The following ARHGAP15 variants were observed in gnomAD, a reference collection of about 807,000 sequenced individuals.
ARHGAP15 encodes Rho GTPase activating protein 15.
ARHGAP15 carries 51 observed loss-of-function variants against 63.7 expected under a neutral mutation model. The observed-to-expected ratio is 0.80, with a 90% CI of 0.64 to 1.01. The LOEUF is 1.01. Ranked by LOEUF, ARHGAP15 falls within the 50% of genes least tolerant of loss-of-function variation. The pLI, the probability that ARHGAP15 is intolerant of heterozygous loss-of-function variation, is 0.00. For missense variants in ARHGAP15, 560 were observed against 564.6 expected, an observed-to-expected ratio of 0.99 and a Z score of 0.08; for synonymous variants, 191 against 193.8, an observed-to-expected ratio of 0.99 and a Z score of 0.12.
At chr2:143,591,254 G>A (rs925310338) in intron 11 of ARHGAP15, among the ~76,000 whole-genome samples, 7 of 151,996 alleles carry the variant, frequency 4.6e-5, no homozygotes, top group Non-Finnish European at 7.4e-5. Flanking sequence ...TTCCCCAATC[G>A]ATGTGATTTT....
intron 8 of ARHGAP15, among the ~76,000 whole-genome samples, chr2:143,445,523 T>C (rs1205419592): frequency 6.6e-6 from 1 of 152,134 alleles, no homozygotes; most frequent in Non-Finnish European, 1.5e-5. Flanking sequence ...GAGTCCAAGT[T>C]TCTGTATAGA....
At chr2:143,588,509 G>A (rs1414257419) in intron 11 of ARHGAP15, among the ~76,000 whole-genome samples, 1 of 152,020 alleles carries the variant, frequency 6.6e-6, no homozygotes, top group Non-Finnish European at 1.5e-5. Context: ...AACAAGCCCT[G>A]GTGGGTGTCG....
chr2:143,552,566 G>A (rs758994305), intron 10 of ARHGAP15, among the ~76,000 whole-genome samples: 425 of 137,886 alleles, frequency 3.1e-3, no homozygotes, highest in Non-Finnish European at 4.0e-3. Context: ...AAAAAGTCGG[G>A]GTGGGGAGGC....
chr2:143,570,074 C>G (rs1455381600), intron 11 of ARHGAP15, among the ~76,000 whole-genome samples: 1 of 152,072 alleles, frequency 6.6e-6, no homozygotes, highest in East Asian at 1.9e-4. Context: ...ATGAGTCAAT[C>G]CCATGAGATA....
chr2:143,470,658 T>TAC (rs147283183), intron 8 of ARHGAP15, among the ~76,000 whole-genome samples: 36,699 of 148,422 alleles, frequency 0.25, 5,488 homozygotes, highest in East Asian at 0.69. Flanking sequence ...TGTATATATA[T>TAC]ACATGTATAT....
intron 11 of ARHGAP15, chr2:143,608,713 T>A (rs1056174566): frequency 2.0e-5 from 3 of 152,232 alleles, no homozygotes; most frequent in African/African-American, 7.2e-5. Flanking sequence ...TGGTTGTAAT[T>A]TCATAACATG....
At chr2:143,617,109 A>G (rs996027619) in intron 11 of ARHGAP15, among the ~76,000 whole-genome samples, 1 of 152,246 alleles carries the variant, frequency 6.6e-6, no homozygotes, top group African/African-American at 2.4e-5. Flanking sequence ...GTTAAGCCTG[A>G]ATAGGCAGGC....
At chr2:143,464,737 A>G (rs1032177555) in intron 8 of ARHGAP15, among the ~76,000 whole-genome samples, 1 of 152,132 alleles carries the variant, frequency 6.6e-6, no homozygotes, top group African/African-American at 2.4e-5. Context: ...AGAGATTTCT[A>G]TTATAGGCTG....
intron 12 of ARHGAP15, among the ~76,000 whole-genome samples, chr2:143,692,241 G>C (rs905185496): frequency 3.3e-5 from 5 of 152,132 alleles, no homozygotes; most frequent in African/African-American, 1.2e-4. Context: ...ATAAATAAAA[G>C]GGCATAACAT....
chr2:143,312,635 T>C (rs1190280936), intron 6 of ARHGAP15, among the ~76,000 whole-genome samples: 1 of 152,200 alleles, frequency 6.6e-6, no homozygotes, highest in East Asian at 1.9e-4. Context: ...AGTGAATTCA[T>C]ATTAACAGAT....
At chr2:143,552,086 G>A (rs1482616486) in intron 10 of ARHGAP15, among the ~76,000 whole-genome samples, 1 of 152,180 alleles carries the variant, frequency 6.6e-6, no homozygotes, top group Non-Finnish European at 1.5e-5. Flanking sequence ...TCAAAGTATT[G>A]CGAGAATGGC....
chr2:143,367,254 C>T (rs756480001), intron 6 of ARHGAP15, among the ~76,000 whole-genome samples: 3 of 151,970 alleles, frequency 2.0e-5, no homozygotes, highest in Non-Finnish European at 2.9e-5. Context: ...ATCACCTCTA[C>T]CTTTGCTGTC....
chr2:143,658,178 T>C (rs1268630677), intron 12 of ARHGAP15, among the ~76,000 whole-genome samples: 4 of 152,228 alleles, frequency 2.6e-5, no homozygotes, highest in Admixed American at 1.3e-4. Flanking sequence ...GTTGCAATTA[T>C]TGAACATCTA....
chr2:143,258,520 A>G (rs549916658), intron 6 of ARHGAP15, among the ~76,000 whole-genome samples: 8 of 152,164 alleles, frequency 5.3e-5, no homozygotes, highest in Non-Finnish European at 1.0e-4. Flanking sequence ...TAAACATACT[A>G]CTAAACATTT....
intron 1 of ARHGAP15, among the ~76,000 whole-genome samples, chr2:143,144,439 C>T (rs1357257944): frequency 3.3e-5 from 5 of 151,990 alleles, no homozygotes; most frequent in East Asian, 1.9e-4. Flanking sequence ...TTTACTCACA[C>T]TTACCAAGTT....
At chr2:143,762,830 A>G (rs1244501905) in intron 13 of ARHGAP15, among the ~76,000 whole-genome samples, 1 of 152,166 alleles carries the variant, frequency 6.6e-6, no homozygotes, top group Non-Finnish European at 1.5e-5. Flanking sequence ...TTCGTGAAGC[A>G]TATCAGAGAA....
chr2:143,638,478 A>G (rs1466991238), intron 12 of ARHGAP15, among the ~76,000 whole-genome samples: 15 of 114,530 alleles, frequency 1.3e-4, no homozygotes, highest in African/African-American at 4.7e-4. Context: ...AGGAAGGGGA[A>G]TATCACACTC....
At chr2:143,463,183 T>C (rs928267455) in intron 8 of ARHGAP15, among the ~76,000 whole-genome samples, 1 of 152,114 alleles carries the variant, frequency 6.6e-6, no homozygotes, top group African/African-American at 2.4e-5. Flanking sequence ...CCAAATATAC[T>C]GGAAAACTCT....
intron 6 of ARHGAP15, among the ~76,000 whole-genome samples, chr2:143,289,809 GAAA>G (rs1053535233): frequency 2.0e-5 from 3 of 151,988 alleles, no homozygotes; most frequent in Non-Finnish European, 4.4e-5. Context: ...AAGGCCAGAA[GAAA>G]AATAACCAAA....
Sources: allele counts gnomAD v4.1 joint callset (sites outside exome capture counted in the v4.1 genomes callset), GRCh38; gene constraint gnomAD v4.1.1; transcripts MANE v1.5; gene names NCBI Gene and HGNC (gene_info 2026-07-23, HGNC 2026-07-21).